The following NRXN1 variants were observed in gnomAD, a reference collection of about 807,000 sequenced individuals.
NRXN1 encodes the protein neurexin 1.
Under a neutral mutation model 150.9 loss-of-function variants are expected in NRXN1, and 39 were observed. The ratio of observed to expected loss-of-function variants is 0.26; its 90% CI spans 0.20 to 0.34. The LOEUF (loss-of-function observed/expected upper bound fraction) is 0.34. Among genes scored for constraint, NRXN1 ranks in the 10% least tolerant of loss-of-function variants. NRXN1 has a pLI of 1.00. For synonymous variants in NRXN1, 924 were observed against 757.0 expected (o/e 1.22, Z -3.62); for missense variants, 1,815 against 1,949.9 (o/e 0.93, Z 1.30).
chr2:50,040,110 T>G (rs1317116466), intron 21 of NRXN1, among the ~76,000 whole-genome samples: 1 of 152,006 alleles, frequency 6.6e-6, no homozygotes, highest in Admixed American at 6.6e-5. Flanking sequence ...TTAGTTGTGG[T>G]TGGTTGTCAG....
At chr2:50,147,109 G>C (rs1484380071) in intron 18 of NRXN1, among the ~76,000 whole-genome samples, 2 of 151,824 alleles carry the variant, frequency 1.3e-5, no homozygotes, top group African/African-American at 4.8e-5. Context: ...CAGATGAATG[G>C]TAAAAGACCC....
At chr2:50,268,697 T>C (rs547419482) in intron 17 of NRXN1, among the ~76,000 whole-genome samples, 1 of 152,296 alleles carries the variant, frequency 6.6e-6, no homozygotes, top group East Asian at 1.9e-4. Flanking sequence ...TGAAATATTG[T>C]CTGTGAGATC....
intron 5 of NRXN1, among the ~76,000 whole-genome samples, chr2:50,779,254 T>TATGA (rs1479601990): frequency 9.8e-6 from 1 of 101,828 alleles, no homozygotes; most frequent in African/African-American, 4.1e-5. Context: ...AACTCCCACT[T>TATGA]ATGAGAACAT....
chr2:50,995,373 G>C (rs1376545824), intron 2 of NRXN1, among the ~76,000 whole-genome samples: 2 of 151,924 alleles, frequency 1.3e-5, no homozygotes, highest in African/African-American at 2.4e-5. Context: ...CGAGGTGGGT[G>C]GATCACCTAG....
At chr2:50,065,924 T>C (rs1242653590) in intron 19 of NRXN1, among the ~76,000 whole-genome samples, 2 of 152,192 alleles carry the variant, frequency 1.3e-5, no homozygotes, top group Non-Finnish European at 2.9e-5. Flanking sequence ...CATGTTACAG[T>C]AAATTTTGCT....
At chr2:51,010,520 A>G (rs1382671648) in intron 2 of NRXN1, among the ~76,000 whole-genome samples, 1 of 151,794 alleles carries the variant, frequency 6.6e-6, no homozygotes, top group Admixed American at 6.6e-5. Flanking sequence ...TTTGGATTTG[A>G]CTCCATTTAC....
At chr2:50,971,469 G>C (rs952279264) in intron 2 of NRXN1, among the ~76,000 whole-genome samples, 12 of 152,052 alleles carry the variant, frequency 7.9e-5, no homozygotes. Context: ...TGTAATCCCA[G>C]CTACTCAGGA....
chr2:50,650,680 A>C (rs1183109512), intron 5 of NRXN1, among the ~76,000 whole-genome samples: 1 of 152,004 alleles, frequency 6.6e-6, no homozygotes, highest in African/African-American at 2.4e-5. Flanking sequence ...TTTGTACTTC[A>C]CTGTAATTCG....
chr2:50,392,642 G>C (rs1024601963), intron 17 of NRXN1, among the ~76,000 whole-genome samples: 5 of 152,168 alleles, frequency 3.3e-5, no homozygotes, highest in African/African-American at 1.2e-4. Context: ...AGAGGACAAA[G>C]AGAAAGCTCA....
rs148316078 is a variant in NRXN1 at position 50,756,203 on chromosome 2, G to A, written c.833-132588C>T. ...ATCTCCTTAGCAATGAGAGAATGGA[G>A]GCTGTTCAAATCACCTGTCATGAGA... On this transcript the variant is annotated intron_variant, in intron 5 of 22. Transcript: ENST00000401669. 3.6e-3 allele frequency among the ~76,000 whole-genome samples: 546 copies of A among 151,694 alleles called. 2 individuals are homozygous for A. Among genetic ancestry groups the A allele is most frequent in the Middle Eastern group, 0.024 (7 of 294 alleles).
chr2:50,739,215 C>A (rs535803917), intron 5 of NRXN1: 4 of 486,424 alleles, frequency 8.2e-6, no homozygotes, highest in Middle Eastern at 3.3e-4. Flanking sequence ...CAGTAGAAAT[C>A]GACCAAGGGC....
At chr2:50,066,732 T>G (rs1695422259) in intron 19 of NRXN1, among the ~76,000 whole-genome samples, 1 of 152,176 alleles carries the variant, frequency 6.6e-6, no homozygotes, top group South Asian at 2.1e-4. Context: ...ATAAAACTAC[T>G]AAGTAAAATG....
intron 17 of NRXN1, among the ~76,000 whole-genome samples, chr2:50,446,069 A>C (rs1361673512): frequency 6.6e-6 from 1 of 152,130 alleles, no homozygotes; most frequent in African/African-American, 2.4e-5. Flanking sequence ...TCTTGATTAT[A>C]CACCAACTCA....
intron 2 of NRXN1, among the ~76,000 whole-genome samples, chr2:51,001,234 T>TGGGG (rs749646036): frequency 3.7e-3 from 50 of 13,478 alleles, no homozygotes; most frequent in South Asian, 0.011. Context: ...TTCATGGGGT[T>TGGGG]GGGGGGGGGG....
intron 21 of NRXN1, among the ~76,000 whole-genome samples, chr2:49,945,584 G>T (rs944426278): frequency 4.6e-5 from 7 of 151,966 alleles, no homozygotes; most frequent in African/African-American, 9.7e-5. Context: ...TCCCCTGCCT[G>T]TGTCCATGTG....
At chr2:50,797,599 A>G (rs1250434790) in intron 5 of NRXN1, among the ~76,000 whole-genome samples, 1 of 152,154 alleles carries the variant, frequency 6.6e-6, no homozygotes, top group African/African-American at 2.4e-5. Context: ...CATATTATCT[A>G]TGCAAACTCG....
intron 19 of NRXN1, among the ~76,000 whole-genome samples, chr2:50,057,969 G>C (rs1334080341): frequency 2.6e-5 from 4 of 151,838 alleles, no homozygotes; most frequent in Non-Finnish European, 4.4e-5. Context: ...AGTAGGGAAA[G>C]GTTGGGGAAA....
chr2:50,017,334 A>G (rs902765686), intron 21 of NRXN1, among the ~76,000 whole-genome samples: 1 of 152,210 alleles, frequency 6.6e-6, no homozygotes, highest in African/African-American at 2.4e-5. Context: ...TATTTTTGAA[A>G]TGAAAAAGCA....
At chr2:50,877,674 A>G (rs1678811471) in intron 5 of NRXN1, among the ~76,000 whole-genome samples, 1 of 151,910 alleles carries the variant, frequency 6.6e-6, no homozygotes, top group Non-Finnish European at 1.5e-5. Context: ...ACTATACTAC[A>G]TTAATAGTAT....
Sources: gnomAD v4.1 joint callset for allele counts (sites outside exome capture counted in the v4.1 genomes callset) on GRCh38, gnomAD v4.1.1 for gene constraint, MANE v1.5 for transcripts, NCBI Gene and HGNC (gene_info 2026-07-23, HGNC 2026-07-21) for gene names.